Variants in PPM1L observed in about 807,000 individuals in gnomAD.
PPM1L encodes protein phosphatase 1L.
A neutral mutation model predicts 31.4 loss-of-function variants in PPM1L; 13 were observed. The observed-to-expected ratio is 0.41, with a 90% confidence interval of 0.27 to 0.66. The LOEUF is 0.66. Ranked by LOEUF, PPM1L falls within the 30% of genes least tolerant of loss-of-function variation. The pLI, the probability that PPM1L is intolerant of heterozygous loss-of-function variation, is 0.29. For synonymous variants in PPM1L, 184 were observed against 175.4 expected (o/e 1.05, Z -0.39); for missense variants, 326 against 453.7 (o/e 0.72, Z 2.56).
At chr3:161,050,215 T>A (rs1719227335) in intron 2 of PPM1L, among the ~76,000 whole-genome samples, 1 of 152,228 alleles carries the variant, frequency 6.6e-6, no homozygotes. Context: ...ATATTTCACT[T>A]GCATAGCCGC....
At chr3:161,056,239 A>G (rs900072344) in intron 2 of PPM1L, among the ~76,000 whole-genome samples, 4 of 152,140 alleles carry the variant, frequency 2.6e-5, no homozygotes, top group African/African-American at 9.7e-5. Flanking sequence ...GAGGCTCTCA[A>G]TGTCACCCAG....
chr3:160,820,977 C>T (rs1027608876), intron 1 of PPM1L, among the ~76,000 whole-genome samples: 1 of 151,990 alleles, frequency 6.6e-6, no homozygotes, highest in Non-Finnish European at 1.5e-5. Flanking sequence ...AAATTGTTCT[C>T]CAAATTGTTT....
chr3:161,045,093 T>C (rs1444652789), intron 2 of PPM1L, among the ~76,000 whole-genome samples: 1 of 152,178 alleles, frequency 6.6e-6, no homozygotes, highest in African/African-American at 2.4e-5. Flanking sequence ...ATATATGCAC[T>C]CAATACAGGA....
At chr3:160,875,440 C>T (rs746635939) in intron 1 of PPM1L, among the ~76,000 whole-genome samples, 1 of 152,148 alleles carries the variant, frequency 6.6e-6, no homozygotes, top group African/African-American at 2.4e-5. Context: ...GCTTGGTAGT[C>T]CCCTGTGCAA....
chr3:160,937,622 A>AAAAAAAC (rs770282407), intron 1 of PPM1L, among the ~76,000 whole-genome samples: 1 of 152,142 alleles, frequency 6.6e-6, no homozygotes, highest in Non-Finnish European at 1.5e-5. Flanking sequence ...TCCGTCTCAA[A>AAAAAAAC]AAAAAACAAA....
In PPM1L at chr3:160,929,877, C is replaced by T. The variant is rs76501006; in HGVS notation, c.400-31859C>T. ...CACAGTCCCCACCACCTTCCCACCTCTCCTTCAGCTTCTGCTCTTCCAGCT... is the reference window on the plus strand; with the variant it reads ...CACAGTCCCCACCACCTTCCCACCTTTCCTTCAGCTTCTGCTCTTCCAGCT... On this transcript the variant is annotated intron_variant, in intron 1 of 3. Coordinates refer to ENST00000498165, the MANE Select transcript of PPM1L (RefSeq NM_139245.4). Among the ~76,000 whole-genome samples, 1,258 of 152,288 alleles carry T rather than the reference C, an allele frequency of 8.3e-3. 20 individuals carry two copies. The highest frequency in any genetic ancestry group is 0.029 in the African/African-American group (1,188 of 41,556).
At chr3:160,975,050 T>A (rs1716515708) in intron 2 of PPM1L, among the ~76,000 whole-genome samples, 1 of 151,530 alleles carries the variant, frequency 6.6e-6, no homozygotes, top group South Asian at 2.1e-4. Context: ...GATTTTTGTA[T>A]AAGGTGTAAG....
In PPM1L at chr3:160,964,540, A is replaced by C. The variant is rs533842907; in HGVS notation, c.574+2630A>C. On this transcript the variant is annotated intron_variant, in intron 2 of 3. Transcript: ENST00000498165. ...TCTCAGGGGTGTCAGAGACAGAAGA[A>C]AGTGCACATATAAATGGACCCATGC... is the stretch of plus-strand genomic sequence containing the variant. 5.9e-5 allele frequency among the ~76,000 whole-genome samples: 9 copies of C among 152,170 alleles called. No individual in the cohort carries two copies. In the South Asian group the frequency reaches 1.5e-3, roughly 25 times the overall value.
chr3:160,779,503 G>A (rs1031105312), intron 1 of PPM1L, among the ~76,000 whole-genome samples: 28 of 152,002 alleles, frequency 1.8e-4, no homozygotes, highest in Non-Finnish European at 5.9e-5. Flanking sequence ...TAATTGCCTG[G>A]CTTCTAACCT....
intron 1 of PPM1L, among the ~76,000 whole-genome samples, chr3:160,829,014 C>T (rs146566423): frequency 2.1e-4 from 32 of 152,076 alleles, no homozygotes; most frequent in African/African-American, 7.7e-4. Context: ...TACAAGTAAG[C>T]AATAATTTCA....
chr3:160,886,836 A>G (rs1230557566), intron 1 of PPM1L, among the ~76,000 whole-genome samples: 1 of 152,104 alleles, frequency 6.6e-6, no homozygotes, highest in East Asian at 1.9e-4. Context: ...CTCTTCAAGG[A>G]ACAGAACTAG....
At chr3:161,029,481 C>A (rs1163340835) in intron 2 of PPM1L, among the ~76,000 whole-genome samples, 2 of 152,110 alleles carry the variant, frequency 1.3e-5, no homozygotes, top group Admixed American at 6.5e-5. Context: ...CTGAATGAAA[C>A]CACTTTTAAA....
In PPM1L at chr3:161,073,775, A is replaced by G. The variant is rs1720015411; in HGVS notation, c.*4618A>G. 1 of 152,174 alleles carries G rather than the reference A, an allele frequency of 6.6e-6. No homozygotes were observed. Among genetic ancestry groups the G allele is most frequent in the Non-Finnish European group, 1.5e-5 (1 of 68,116 alleles). The allele number at this position is 152,174 out of a possible 1,614,324, so 9.4% of individuals were successfully genotyped here. A position where few individuals can be genotyped will look rare whatever the true frequency, so the allele number is the denominator to read the frequency against. On this transcript the variant is annotated 3_prime_UTR_variant, in exon 4 of 4. Coordinates refer to ENST00000498165, the MANE Select transcript of PPM1L (RefSeq NM_139245.4). ...ACGGGGTTTCACCATGTTAGCCAGGATGGTCTTGATATCCTGACCTTGTAA... is the reference window on the plus strand; with the variant it reads ...ACGGGGTTTCACCATGTTAGCCAGGGTGGTCTTGATATCCTGACCTTGTAA...
intron 2 of PPM1L, among the ~76,000 whole-genome samples, chr3:160,970,093 C>A (rs940312145): frequency 7.2e-5 from 11 of 152,106 alleles, no homozygotes; most frequent in Admixed American, 2.0e-4. Context: ...GTAATAACTG[C>A]AGTACTCTAT....
At chr3:160,985,510 C>T (rs1031640608) in intron 2 of PPM1L, among the ~76,000 whole-genome samples, 2 of 152,196 alleles carry the variant, frequency 1.3e-5, no homozygotes, top group Non-Finnish European at 2.9e-5. Flanking sequence ...GTACTTAAAA[C>T]ATGAGAAACT....
chr3:160,977,363 C>G (rs943314339), intron 2 of PPM1L, among the ~76,000 whole-genome samples: 2 of 152,204 alleles, frequency 1.3e-5, no homozygotes, highest in African/African-American at 4.8e-5. Context: ...TCATTCAACA[C>G]AAACATTTAC....
At chr3:160,903,072 G>A (rs975796723) in intron 1 of PPM1L, among the ~76,000 whole-genome samples, 1 of 152,080 alleles carries the variant, frequency 6.6e-6, no homozygotes, top group Non-Finnish European at 1.5e-5. Flanking sequence ...TTGTTAGATT[G>A]TTGTAGAGAC....
intron 1 of PPM1L, among the ~76,000 whole-genome samples, chr3:160,891,841 T>C (rs1210621168): frequency 2.6e-5 from 4 of 152,234 alleles, no homozygotes; most frequent in Non-Finnish European, 5.9e-5. Context: ...ATTATGTCCT[T>C]TGCAGGAATG....
At chr3:160,887,832 C>A (rs963438498) in intron 1 of PPM1L, among the ~76,000 whole-genome samples, 2 of 152,074 alleles carry the variant, frequency 1.3e-5, no homozygotes, top group Non-Finnish European at 2.9e-5. Context: ...ATCTGCCCGC[C>A]TCCTAAAGTG....
Sources: gnomAD v4.1 joint callset for allele counts (sites outside exome capture counted in the v4.1 genomes callset) on GRCh38, gnomAD v4.1.1 for gene constraint, MANE v1.5 for transcripts, NCBI Gene and HGNC (gene_info 2026-07-23, HGNC 2026-07-21) for gene names.